Variants in HSPBAP1 observed in about 807,000 individuals in gnomAD.
HSPBAP1 encodes HSPB1 associated protein 1.
HSPBAP1 carries 27 observed loss-of-function variants against 45.2 expected under a neutral mutation model. That is an observed-to-expected ratio of 0.60 (90% CI 0.44 to 0.82). HSPBAP1 has a LOEUF of 0.82. Among genes scored for constraint, HSPBAP1 ranks in the 40% least tolerant of loss-of-function variants. The pLI is 0.00. For missense variants in HSPBAP1, 510 were observed against 590.9 expected (o/e 0.86, Z 1.42); for synonymous variants, 204 against 202.7 (o/e 1.01, Z -0.06).
Position 122,740,134 on chromosome 3 carries a change from G to C in HSPBAP1, c.*211C>G, listed in dbSNP as rs1576226306. ...AGGCTAAAAGTATGGGATGAGAGAGGAACAAAAGCTTACAAACAAAGAGCA... is the reference window on the plus strand; with the variant it reads ...AGGCTAAAAGTATGGGATGAGAGAGCAACAAAAGCTTACAAACAAAGAGCA... On this transcript the variant is annotated 3_prime_UTR_variant, in exon 8 of 8. Transcript: ENST00000306103. 2.9e-6 allele frequency: 1 copy of C among 340,278 alleles called. No individual in the cohort carries two copies. Among genetic ancestry groups the C allele is most frequent in the Admixed American group, 4.3e-5 (1 of 23,240 alleles). The allele number at this position is 340,278 out of a possible 1,614,324, so 21.1% of individuals were successfully genotyped here. A position where few individuals can be genotyped will look rare whatever the true frequency, so the allele number is the denominator to read the frequency against.
chr3:122,768,920 A>G, intron 2 of HSPBAP1, 38 bp from the exon 3 acceptor site: 1 of 1,242,014 alleles, frequency 8.1e-7, no homozygotes, highest in Non-Finnish European at 1.1e-6. Flanking sequence ...ATGTATAATG[A>G]ACACATTTCC....
intron 6 of HSPBAP1, among the ~76,000 whole-genome samples, chr3:122,745,641 G>T (rs115761121): frequency 2.6e-5 from 4 of 152,304 alleles, no homozygotes; most frequent in East Asian, 1.9e-4. Context: ...CACTGTCATG[G>T]TATTTGCAGT....
chr3:122,740,698 T>C lies in HSPBAP1; in HGVS notation c.1114A>G (p.Ser372Gly). Reference protein sequence around the residue: ...CNHMEVGQTGSQNLTTGTDKP... With the variant: ...CNHMEVGQTGGQNLTTGTDKP... ...TCTGTTCCTGTGGTCAAGTTCTGGC[T>C]ACCTGTTTGGCCCACCTCCATGTGG... The change falls in exon 8 of 8, where the codon AGC becomes GGC. Residue 372 changes from serine (S) to glycine (G), a missense_variant. By Grantham distance (56) the Ser-to-Gly change is moderately conservative (BLOSUM62 0). Transcript: ENST00000306103. 6.2e-7 allele frequency: 1 copy of C among 1,614,132 alleles called. No individual in the cohort carries two copies. The highest frequency in any genetic ancestry group is 8.5e-7 in the Non-Finnish European group (1 of 1,180,030).
At position 122,793,825 on chromosome 3, in the gene HSPBAP1, C is replaced by G. The variant is rs1935920190; in HGVS notation, c.-145G>C. On this transcript the variant is annotated 5_prime_UTR_variant, in exon 1 of 8. Transcript: ENST00000306103. ...CGCCCGGCTCCTACGGAAACGCCGG[C>G]TCTCACGTGGAGGTCACGTGACGGA... 6 of 673,236 alleles carry G rather than the reference C, an allele frequency of 8.9e-6. No individual in the cohort carries two copies. The highest frequency in any genetic ancestry group is 5.6e-5 in the East Asian group (2 of 35,950). 41.7% of individuals were successfully genotyped at this position (673,236 alleles called of 1,614,324 possible).
rs1486974539 is a variant in HSPBAP1 at position 122,793,625 on chromosome 3, C to T, written c.56G>A (p.Gly19Glu). ...TPVIVAAGAG[G>E]EEGEHVKPFK... ...CTCAGCCTGGCACCTACCTTCCTCC[C>T]CTCCAGCCCCAGCCGCAACGATCAC... The change falls in exon 1 of 8, where the codon GGG (glycine) becomes GAG (glutamate). Residue 19 changes from glycine (G) to glutamate (E), a missense_variant. Transcript: ENST00000306103. The T allele has an allele frequency of 6.2e-7, 1 of 1,613,888 alleles. No individual in the cohort carries two copies. The highest frequency in any genetic ancestry group is 8.5e-7 in the Non-Finnish European group (1 of 1,179,990).
chr3:122,753,632 T>G, intron 5 of HSPBAP1: 1 of 984,992 alleles, frequency 1.0e-6, no homozygotes, highest in Non-Finnish European at 1.2e-6. Context: ...TAGATGGAAA[T>G]GATGTGAAGC....
intron 1 of HSPBAP1, among the ~76,000 whole-genome samples, chr3:122,790,633 C>T (rs766528309): frequency 6.6e-6 from 1 of 152,102 alleles, no homozygotes; most frequent in Admixed American, 6.5e-5. Context: ...TGAAAAAGGT[C>T]TGTTTACCAT....
At chr3:122,782,117 A>C (rs893230807) in intron 1 of HSPBAP1, among the ~76,000 whole-genome samples, 11 of 152,210 alleles carry the variant, frequency 7.2e-5, no homozygotes, top group Non-Finnish European at 1.5e-4. Context: ...CTACTTCCTA[A>C]GTAGAGGATT....
At chr3:122,752,825 C>T in intron 5 of HSPBAP1, 151 bp from the exon 6 acceptor site, 1 of 1,394,198 alleles carries the variant, frequency 7.2e-7, no homozygotes, top group Non-Finnish European at 9.3e-7. Flanking sequence ...GAAAAAAAAC[C>T]CCGCAAACCT....
intron 4 of HSPBAP1, 98 bp downstream of exon 4, chr3:122,759,126 C>T: frequency 1.4e-6 from 2 of 1,468,452 alleles, no homozygotes; most frequent in Non-Finnish European, 1.8e-6. Flanking sequence ...TGGGACTACA[C>T]CTTGGGGTAT....
chr3:122,755,088 T>C (rs1934295779), intron 5 of HSPBAP1, 172 bp downstream of exon 5: 2 of 1,226,548 alleles, frequency 1.6e-6, no homozygotes, highest in African/African-American at 1.6e-5. Flanking sequence ...AGCAGAGGTG[T>C]ATGTGTCTGA....
intron 6 of HSPBAP1, among the ~76,000 whole-genome samples, chr3:122,748,564 A>G (rs553653995): frequency 6.6e-6 from 1 of 152,204 alleles, no homozygotes; most frequent in Non-Finnish European, 1.5e-5. Flanking sequence ...ATTATGACTC[A>G]AAAACAATAA....
chr3:122,785,768 A>G (rs1935632548), intron 1 of HSPBAP1, among the ~76,000 whole-genome samples: 1 of 152,086 alleles, frequency 6.6e-6, no homozygotes, highest in Non-Finnish European at 1.5e-5. Context: ...TTCCTTACTA[A>G]AGAACTTTGG....
Position 122,777,780 on chromosome 3 carries a change from G to A in HSPBAP1, c.191C>T (p.Ser64Leu), listed in dbSNP as rs184993518. 1.4e-5 allele frequency: 23 copies of A among 1,613,894 alleles called. No homozygotes were observed. Among genetic ancestry groups the A allele is most frequent in the Admixed American group, 1.3e-4 (8 of 59,998 alleles). Residue 64 changes from serine to leucine, a missense_variant, in exon 2 of 8, where the codon TCG (serine) becomes TTG (leucine). By Grantham distance (145) the Ser-to-Leu change is moderately radical. Coordinates refer to ENST00000306103, the MANE Select transcript of HSPBAP1 (RefSeq NM_024610.6). The part of the protein sequence containing the change: ...PARHWNAKYL[S>L]QVLHGKQIRF... Reference sequence around the variant, plus strand: ...TATCTGCTTGCCATGAAGGACCTGCGAAAGGTATTTAGCATTCCAGTGTCG... The same window carrying A: ...TATCTGCTTGCCATGAAGGACCTGCAAAAGGTATTTAGCATTCCAGTGTCG...
intron 6 of HSPBAP1, among the ~76,000 whole-genome samples, chr3:122,746,366 A>G (rs1933852894): frequency 6.6e-6 from 1 of 151,892 alleles, no homozygotes; most frequent in Non-Finnish European, 1.5e-5. Flanking sequence ...AGAGGCAAGA[A>G]TAGCCAGAAA....
At position 122,742,307 on chromosome 3, in the gene HSPBAP1, C is replaced by T. The variant is rs147518170; in HGVS notation, c.826-1194G>A. ...GGAATGAACAGCTTACATGTGACAA[C>T]ACAAATGAATCTTAGAAACACAATA... On this transcript the variant is annotated intron_variant, in intron 6 of 7. Coordinates refer to ENST00000306103, the MANE Select transcript of HSPBAP1 (RefSeq NM_024610.6). 2.8e-4 allele frequency among the ~76,000 whole-genome samples: 43 copies of T among 151,952 alleles called. No individual in the cohort carries two copies. In the East Asian group the frequency reaches 7.0e-3, roughly 25 times the overall value.
At chr3:122,791,112 G>A (rs1289112514) in intron 1 of HSPBAP1, among the ~76,000 whole-genome samples, 1 of 152,140 alleles carries the variant, frequency 6.6e-6, no homozygotes, top group Admixed American at 6.5e-5. Context: ...CAATAATCAT[G>A]CATTTTACAG....
chr3:122,776,877 G>A (rs879548880), intron 2 of HSPBAP1, among the ~76,000 whole-genome samples: 32 of 152,160 alleles, frequency 2.1e-4, no homozygotes, highest in Non-Finnish European at 4.4e-4. Flanking sequence ...GCAGCAGGAA[G>A]CGAAGCTGGG....
chr3:122,772,197 G>A (rs1175122591), intron 2 of HSPBAP1, among the ~76,000 whole-genome samples: 1 of 152,102 alleles, frequency 6.6e-6, no homozygotes, highest in Admixed American at 6.5e-5. Context: ...TTCCTGTGTG[G>A]GAAGATACAG....
Sources: allele counts gnomAD v4.1 joint callset (sites outside exome capture counted in the v4.1 genomes callset), GRCh38; gene constraint gnomAD v4.1.1; transcripts MANE v1.5; gene names NCBI Gene and HGNC (gene_info 2026-07-23, HGNC 2026-07-21).